CDH1: variants seen among roughly 807,000 people sequenced by gnomAD.
CDH1 encodes cadherin-1.
CDH1 carries 35 observed loss-of-function variants against 84.5 expected under a neutral mutation model. That is an observed-to-expected ratio of 0.41 (90% CI 0.32 to 0.55). The LOEUF (loss-of-function observed/expected upper bound fraction) is 0.55. CDH1 is among the 20% of genes least tolerant of loss of function. The pLI is 0.19. For missense variants in CDH1, 994 were observed against 1,126.6 expected (o/e 0.88, Z 1.68); for synonymous variants, 417 against 439.0 (o/e 0.95, Z 0.63).
intron 2 of CDH1, among the ~76,000 whole-genome samples, chr16:68,791,392 C>T (rs368209316): frequency 2.0e-5 from 3 of 152,258 alleles, no homozygotes; most frequent in African/African-American, 7.2e-5. Context: ...TTATATTTCT[C>T]TATTACACTT....
chr16:68,741,177 T>C (rs1014466537), intron 2 of CDH1, among the ~76,000 whole-genome samples: 3 of 152,038 alleles, frequency 2.0e-5, no homozygotes, highest in Non-Finnish European at 4.4e-5. Context: ...TCCCTTTATG[T>C]TCACAGACCC....
At chr16:68,787,777 G>A (rs1299470440) in intron 2 of CDH1, among the ~76,000 whole-genome samples, 1 of 150,482 alleles carries the variant, frequency 6.6e-6, no homozygotes, top group Non-Finnish European at 1.5e-5. Flanking sequence ...TCCCACTTCA[G>A]CCTCCCAAGT....
chr16:68,818,658 C>A (rs2152136339), intron 10 of CDH1, among the ~76,000 whole-genome samples: 1 of 150,448 alleles, frequency 6.6e-6, no homozygotes, highest in African/African-American at 2.4e-5. Context: ...ACCATCCTGG[C>A]TAAAACGGTG....
At chr16:68,790,033 G>T (rs1960166524) in intron 2 of CDH1, among the ~76,000 whole-genome samples, 1 of 152,176 alleles carries the variant, frequency 6.6e-6, no homozygotes, top group Non-Finnish European at 1.5e-5. Context: ...TCCAGCCTGG[G>T]CAACAAGAGC....
chr16:68,761,767 G>A (rs906850547), intron 2 of CDH1, among the ~76,000 whole-genome samples: 2 of 152,060 alleles, frequency 1.3e-5, no homozygotes, highest in African/African-American at 2.4e-5. Flanking sequence ...TGTTCTAGAC[G>A]GAGGGGAGGG....
At chr16:68,811,380 G>C (rs1178450467) in intron 6 of CDH1, among the ~76,000 whole-genome samples, 1 of 130,606 alleles carries the variant, frequency 7.7e-6, no homozygotes, top group Non-Finnish European at 1.6e-5. Context: ...TGGGCAACAG[G>C]AGCAAAACTC....
At chr16:68,788,615 T>C (rs1367762380) in intron 2 of CDH1, among the ~76,000 whole-genome samples, 1 of 152,244 alleles carries the variant, frequency 6.6e-6, no homozygotes, top group African/African-American at 2.4e-5. Flanking sequence ...TGAGTAGCTA[T>C]ACCATATTTT....
At chr16:68,784,851 C>T (rs1214895689) in intron 2 of CDH1, among the ~76,000 whole-genome samples, 1 of 151,406 alleles carries the variant, frequency 6.6e-6, no homozygotes, top group African/African-American at 2.4e-5. Flanking sequence ...TCCAGTGTTT[C>T]CTGTCTCTAA....
At position 68,810,277 on chromosome 16, in the gene CDH1, T is replaced by C. The variant is rs759207947; in HGVS notation, c.768T>C (p.Asn256=). The change falls in exon 6 of 16, where the codon AAT becomes AAC. Residue 256 remains asparagine, a synonymous_variant. Transcript: ENST00000261769. ...TTTTGATCACGGTAACCGATCAGAA[T>C]GACAACAAGCCCGAATTCACCCAGG... ...MEILITVTDQ[N]DNKPEFTQEV... is the part of the protein sequence containing the mutation. 5.0e-6 allele frequency: 8 copies of C among 1,614,068 alleles called. No homozygotes were observed. Among genetic ancestry groups the C allele is most frequent in the Non-Finnish European group, 5.1e-6 (6 of 1,180,012 alleles).
At chr16:68,765,278 C>A (rs908224336) in intron 2 of CDH1, 1 of 152,256 alleles carries the variant, frequency 6.6e-6, no homozygotes, top group African/African-American at 2.4e-5. Flanking sequence ...ACCTCTGCCT[C>A]CTGGGTTCAA....
At chr16:68,789,087 G>A (rs1273798763) in intron 2 of CDH1, among the ~76,000 whole-genome samples, 1 of 152,084 alleles carries the variant, frequency 6.6e-6, no homozygotes, top group African/African-American at 2.4e-5. Flanking sequence ...GCAGTGGCCC[G>A]AACATGATTC....
chr16:68,771,162 T>TGCCTTGCAGTCCC (rs1959562116), intron 2 of CDH1: 1 of 152,340 alleles, frequency 6.6e-6, no homozygotes, highest in African/African-American at 2.4e-5. Context: ...CTGGCTGTTC[T>TGCCTTGCAGTCCC]GCCTTGCAGT....
At chr16:68,746,301 T>C (rs1962742549) in intron 2 of CDH1, among the ~76,000 whole-genome samples, 1 of 152,172 alleles carries the variant, frequency 6.6e-6, no homozygotes, top group Non-Finnish European at 1.5e-5. Context: ...GGCATGCTCC[T>C]GTAATCCCTG....
At chr16:68,807,530 T>G (rs1432494349) in intron 3 of CDH1, among the ~76,000 whole-genome samples, 1 of 151,644 alleles carries the variant, frequency 6.6e-6, no homozygotes, top group Non-Finnish European at 1.5e-5. Context: ...ATTTAAAAAA[T>G]TAGGTGCACA....
chr16:68,755,216 C>T lies in CDH1; in HGVS notation c.163+16805C>T, dbSNP rs79248269. 2.5e-3 allele frequency among the ~76,000 whole-genome samples: 359 copies of T among 141,764 alleles called. 14 individuals are homozygous for T. The East Asian group carries it at 0.066, about 26-fold the overall frequency. 93.0% of individuals were successfully genotyped at this position (141,764 alleles called of 152,430 possible). A position where few individuals can be genotyped will look rare whatever the true frequency, so the allele number is the denominator to read the frequency against. Reference sequence around the variant, plus strand: ...ACTTGAGCCTGGGAGGTTGAAGCTGCCTGGGAGGTTTAGCCATGATCGTAC... The same window carrying T: ...ACTTGAGCCTGGGAGGTTGAAGCTGTCTGGGAGGTTTAGCCATGATCGTAC... On this transcript the variant is annotated intron_variant, in intron 2 of 15. Transcript: ENST00000261769.
At chr16:68,737,965 G>A (rs1196460591) in intron 1 of CDH1, among the ~76,000 whole-genome samples, 9 of 152,236 alleles carry the variant, frequency 5.9e-5, no homozygotes, top group Admixed American at 5.2e-4. Flanking sequence ...CCCTCGCTCT[G>A]AGGAGTGGTG....
In CDH1 at chr16:68,792,551, C is replaced by T. The variant is rs887393277; in HGVS notation, c.164-9119C>T. ...ACTGACTTTTAATCAATTCCAGAAG[C>T]GCCATTCATGACCCTTCCCCCCGGG... On this transcript the variant is annotated intron_variant, in intron 2 of 15. Transcript: ENST00000261769. Among the ~76,000 whole-genome samples, 6 of 152,146 alleles carry T rather than the reference C, an allele frequency of 3.9e-5. 1 individual carries two copies. The highest frequency in any genetic ancestry group is 7.2e-5 in the African/African-American group (3 of 41,440).
chr16:68,819,193 C>A (rs942990231), intron 10 of CDH1, 87 bp from the exon 11 acceptor site: 2 of 1,455,840 alleles, frequency 1.4e-6, no homozygotes, highest in South Asian at 2.3e-5. Context: ...TGGAAGTAAC[C>A]ATATAACTGA....
At chr16:68,793,790 G>C (rs766274544) in intron 2 of CDH1, among the ~76,000 whole-genome samples, 3 of 152,130 alleles carry the variant, frequency 2.0e-5, no homozygotes, top group Non-Finnish European at 4.4e-5. Flanking sequence ...TACTTGGGAG[G>C]CTGAGGCAGG....
Sources: gnomAD v4.1 joint callset for allele counts (sites outside exome capture counted in the v4.1 genomes callset) on GRCh38, gnomAD v4.1.1 for gene constraint, MANE v1.5 for transcripts, NCBI Gene and HGNC (gene_info 2026-07-23, HGNC 2026-07-21) for gene names.